SLC4A5: variants seen among roughly 807,000 people sequenced by gnomAD.
SLC4A5 encodes the protein electrogenic sodium bicarbonate cotransporter 4.
Under a neutral mutation model 120.4 loss-of-function variants are expected in SLC4A5, and 96 were observed. The observed-to-expected ratio is 0.80, with a 90% confidence interval of 0.68 to 0.94. The LOEUF is 0.94. Ranked by LOEUF, SLC4A5 falls within the 40% of genes least tolerant of loss-of-function variation. The probability of loss-of-function intolerance (pLI) is 0.00; values close to 1 mark genes in which losing one functional copy is unlikely to be tolerated. For synonymous variants in SLC4A5, 550 were observed against 571.1 expected (o/e 0.96, Z 0.53); for missense variants, 1,259 against 1,459.5 (o/e 0.86, Z 2.24).
At chr2:74,307,422 T>C in intron 6 of SLC4A5, 1 of 637,156 alleles carries the variant, frequency 1.6e-6, no homozygotes, top group Non-Finnish European at 2.9e-6. Context: ...TGTCTCCAGC[T>C]ACAGCCGAGT....
chr2:74,230,773 G>T (rs1670050552), intron 25 of SLC4A5, among the ~76,000 whole-genome samples: 1 of 152,080 alleles, frequency 6.6e-6, no homozygotes, highest in Admixed American at 6.5e-5. Context: ...ACATTGCTTT[G>T]GCCTAGTAAG....
At chr2:74,284,851 G>A (rs779365753) in intron 8 of SLC4A5, among the ~76,000 whole-genome samples, 4 of 152,054 alleles carry the variant, frequency 2.6e-5, no homozygotes, top group Non-Finnish European at 5.9e-5. Context: ...TGCTCCACAC[G>A]CTTTTCTCCA....
intron 7 of SLC4A5, among the ~76,000 whole-genome samples, chr2:74,291,206 G>A (rs1025153201): frequency 4.6e-5 from 7 of 152,224 alleles, no homozygotes; most frequent in African/African-American, 1.7e-4. Context: ...GGTGTTTTCT[G>A]AGAGCCCACG....
intron 30 of SLC4A5, among the ~76,000 whole-genome samples, chr2:74,220,579 T>G (rs142016524): frequency 7.5e-5 from 11 of 147,338 alleles, no homozygotes; most frequent in African/African-American, 1.2e-4. Flanking sequence ...TGCAGTGGCG[T>G]GATCTCGGCT....
intron 11 of SLC4A5, among the ~76,000 whole-genome samples, chr2:74,261,648 C>G (rs1671139772): frequency 6.6e-6 from 1 of 152,196 alleles, no homozygotes; most frequent in Non-Finnish European, 1.5e-5. Context: ...CAAACCCACA[C>G]CCCGCCCCCT....
rs79948644 is a variant in SLC4A5, at chr2:74,307,228, G to A, written c.80-2548C>T. 747 of 525,060 alleles carry A rather than the reference G, an allele frequency of 1.4e-3. 8 individuals are homozygous for A. The highest frequency in any genetic ancestry group is 0.011 in the African/African-American group (559 of 52,394). 32.5% of individuals were successfully genotyped at this position (525,060 alleles called of 1,614,324 possible). On this transcript the variant is annotated intron_variant, in intron 6 of 30. Transcript: ENST00000394019. ...GAGCAGTACTTGTCTGGCTCCTCTC[G>A]GCTCTTCTGAGGCAGCTAATCATAT...
chr2:74,249,007 G>A (rs993665553), intron 17 of SLC4A5, among the ~76,000 whole-genome samples: 2 of 152,178 alleles, frequency 1.3e-5, no homozygotes, highest in Non-Finnish European at 1.5e-5. Context: ...TCTCAACCTC[G>A]GCACAATGGA....
At chr2:74,240,041 T>TTA (rs142456944) in intron 20 of SLC4A5, among the ~76,000 whole-genome samples, 3,428 of 145,302 alleles carry the variant, frequency 0.024, 119 homozygotes, top group East Asian at 0.17. Flanking sequence ...ATATATAAAT[T>TTA]TATATATATA....
At chr2:74,253,056 C>T (rs145653085) in exon 15 of SLC4A5, 3 of 1,614,216 alleles carry the variant, frequency 1.9e-6, no homozygotes, top group Non-Finnish European at 2.5e-6. Flanking sequence ...ACGATGACCT[C>T]ATCCAGAAAT....
At chr2:74,257,741 C>T (rs944633171) in intron 12 of SLC4A5, among the ~76,000 whole-genome samples, 1 of 152,034 alleles carries the variant, frequency 6.6e-6, no homozygotes, top group East Asian at 1.9e-4. Context: ...CCACGCCCGG[C>T]TAATTTTTGT....
chr2:74,318,730 G>A (rs1029940688), intron 5 of SLC4A5, among the ~76,000 whole-genome samples: 2 of 151,344 alleles, frequency 1.3e-5, no homozygotes, highest in Non-Finnish European at 2.9e-5. Context: ...TGGCGAGGCC[G>A]CAGAGAAAAC....
intron 5 of SLC4A5, among the ~76,000 whole-genome samples, chr2:74,316,029 A>G (rs1306141976): frequency 6.6e-6 from 1 of 152,124 alleles, no homozygotes; most frequent in African/African-American, 2.4e-5. Context: ...TATGACATAA[A>G]TAACATTATT....
Position 74,325,679 on chromosome 2 carries a change from C to T in SLC4A5, c.-3+2441G>A, listed in dbSNP as rs568864784. 1.1e-4 allele frequency among the ~76,000 whole-genome samples: 17 copies of T among 152,210 alleles called. 1 individual carries two copies. The highest frequency in any genetic ancestry group is 1.0e-3 in the South Asian group (5 of 4,808). On this transcript the variant is annotated intron_variant, in intron 5 of 30. Transcript: ENST00000394019. Reference sequence around the variant, plus strand: ...TTTTGCTTTCATCATCTTATTGAATCCTCACTATAATTCAGTGAGGTATAT... The same window carrying T: ...TTTTGCTTTCATCATCTTATTGAATTCTCACTATAATTCAGTGAGGTATAT...
At chr2:74,217,037 A>G (rs546972980) in exon 31 of SLC4A5, 1 of 152,302 alleles carries the variant, frequency 6.6e-6, no homozygotes, top group African/African-American at 2.4e-5. Flanking sequence ...ATTAAATGTA[A>G]TCAAACACTT....
Position 74,232,654 on chromosome 2 carries a change from G to A in SLC4A5, c.2596-7C>T. On this transcript the variant is annotated splice_region_variant and splice_polypyrimidine_tract_variant and intron_variant, in intron 23 of 30. Coordinates refer to ENST00000394019, the Ensembl canonical transcript of SLC4A5. ...GATGGTAGCCGGCAGCCTTCTGCAG[G>A]AGCGGGGTTGGGGGAGGGAGAAGTT... 2 of 1,612,294 alleles carry A rather than the reference G, an allele frequency of 1.2e-6. No individual in the cohort carries two copies. The highest frequency in any genetic ancestry group is 8.5e-7 in the Non-Finnish European group (1 of 1,179,378).
chr2:74,251,263 G>T (rs1670781583), intron 16 of SLC4A5, among the ~76,000 whole-genome samples: 2 of 151,980 alleles, frequency 1.3e-5, no homozygotes, highest in Non-Finnish European at 2.9e-5. Context: ...GGGCTCGGGG[G>T]TAGGGGGACT....
chr2:74,307,178 T>A (rs1558906455), intron 6 of SLC4A5: 1 of 556,588 alleles, frequency 1.8e-6, no homozygotes, highest in Non-Finnish European at 3.3e-6. Flanking sequence ...TGGTGACCAC[T>A]GTGGTGCTCT....
intron 6 of SLC4A5, chr2:74,307,547 AC>A: frequency 3.1e-6 from 2 of 635,566 alleles, no homozygotes. Flanking sequence ...CAAGATGGGC[AC>A]TGTCGATCTG....
intron 8 of SLC4A5, among the ~76,000 whole-genome samples, chr2:74,269,693 T>C (rs1671414608): frequency 1.3e-5 from 2 of 152,182 alleles, no homozygotes; most frequent in East Asian, 1.9e-4. Context: ...TCCATGGTCT[T>C]ACCCACCCAC....
Sources: allele counts gnomAD v4.1 joint callset (sites outside exome capture counted in the v4.1 genomes callset), GRCh38; gene constraint gnomAD v4.1.1; transcripts MANE v1.5; gene names NCBI Gene and HGNC (gene_info 2026-07-23, HGNC 2026-07-21).